LRATD1: variants seen among roughly 807,000 people sequenced by gnomAD.
The protein encoded by LRATD1 is protein LRATD1.
In LRATD1, 8 loss-of-function variants were observed where a neutral mutation model predicts 21.3. The observed-to-expected ratio is 0.38, with a 90% CI of 0.22 to 0.68. The LOEUF (loss-of-function observed/expected upper bound fraction) is 0.68. LRATD1 is among the 30% of genes least tolerant of loss of function. The probability of loss-of-function intolerance (pLI) is 0.54; values close to 1 mark genes in which losing one functional copy is unlikely to be tolerated. For missense variants in LRATD1, 380 were observed against 404.0 expected (o/e 0.94, Z 0.51); for synonymous variants, 210 against 186.2 (o/e 1.13, Z -1.04).
In LRATD1 at chr2:14,639,291, G is replaced by A. The variant is rs953041363; in HGVS notation, c.*4433G>A. 4 of 166,860 alleles carry A rather than the reference G, an allele frequency of 2.4e-5. No homozygotes were observed. The highest frequency in any genetic ancestry group is 9.7e-5 in the African/African-American group (4 of 41,400). The allele number at this position is 166,860 out of a possible 1,614,324, so 10.3% of individuals were successfully genotyped here. On this transcript the variant is annotated 3_prime_UTR_variant, in exon 2 of 2. Coordinates refer to ENST00000295092, the MANE Select transcript of LRATD1 (RefSeq NM_145175.4). Reference sequence around the variant, plus strand: ...CAATTAGTTTTATTCTCATTTTTTGGAAGAATATGTTCCTGGTTTCTCTAA... The same window carrying A: ...CAATTAGTTTTATTCTCATTTTTTGAAAGAATATGTTCCTGGTTTCTCTAA...
Position 14,639,421 on chromosome 2 carries a change from A to C in LRATD1, c.*4563A>C, listed in dbSNP as rs1160854984. Reference sequence around the variant, plus strand: ...CTATGAGATCATATAATGAGCTAATAAACTTTTCAACAGGGGACACCTGTT... The same window carrying C: ...CTATGAGATCATATAATGAGCTAATCAACTTTTCAACAGGGGACACCTGTT... On this transcript the variant is annotated 3_prime_UTR_variant, in exon 2 of 2. Transcript: ENST00000295092. 1 of 166,926 alleles carries C rather than the reference A, an allele frequency of 6.0e-6. No individual in the cohort carries two copies. Among genetic ancestry groups the C allele is most frequent in the African/African-American group, 2.4e-5 (1 of 41,466 alleles). 10.3% of individuals were successfully genotyped at this position (166,926 alleles called of 1,614,324 possible). A position where few individuals can be genotyped will look rare whatever the true frequency, so the allele number is the denominator to read the frequency against.
chr2:14,649,400 C>T (rs900413163), exon 5 of LRATD1: 5 of 456,070 alleles, frequency 1.1e-5, no homozygotes, highest in South Asian at 3.1e-5. Context: ...TGGACCCCCT[C>T]GACCTGGGTG....
At chr2:14,642,360 T>C (rs1402276834), downstream of LRATD1, among the ~76,000 whole-genome samples, 2 of 152,194 alleles carry the variant, frequency 1.3e-5, no homozygotes, top group African/African-American at 2.4e-5. Context: ...TTCATTACTA[T>C]GGAAATATAG....
At chr2:14,647,526 C>T (rs1671915345) in intron 4 of LRATD1, among the ~76,000 whole-genome samples, 1 of 152,038 alleles carries the variant, frequency 6.6e-6, no homozygotes, top group African/African-American at 2.4e-5. Context: ...TCCTAACCCC[C>T]AAAGTGATGA....
intron 4 of LRATD1, among the ~76,000 whole-genome samples, chr2:14,648,786 C>T (rs1305301563): frequency 6.6e-6 from 1 of 152,212 alleles, no homozygotes; most frequent in East Asian, 1.9e-4. Flanking sequence ...TTCCAACTAG[C>T]TTCTCCTGGT....
intron 4 of LRATD1, among the ~76,000 whole-genome samples, chr2:14,648,932 T>A (rs1334697040): frequency 6.6e-6 from 1 of 152,190 alleles, no homozygotes; most frequent in Non-Finnish European, 1.5e-5. Context: ...TTCTCCCCTG[T>A]CACTGGGTAA....
downstream of LRATD1, among the ~76,000 whole-genome samples, chr2:14,644,238 A>T (rs1002262429): frequency 5.3e-5 from 8 of 152,244 alleles, no homozygotes; most frequent in Non-Finnish European, 1.0e-4. Flanking sequence ...ATAATTTTTT[A>T]AAAAATACCA....
chr2:14,642,544 A>G (rs2103412111), downstream of LRATD1, among the ~76,000 whole-genome samples: 1 of 152,162 alleles, frequency 6.6e-6, no homozygotes, highest in East Asian at 1.9e-4. Flanking sequence ...CAGTCAGCGG[A>G]GAAAGAGTCT....
At chr2:14,651,775 T>G (rs1388376189), downstream of LRATD1, among the ~76,000 whole-genome samples, 3 of 152,030 alleles carry the variant, frequency 2.0e-5, no homozygotes, top group Admixed American at 1.3e-4. Flanking sequence ...AATAATGTAT[T>G]TTATATTTTT....
chr2:14,646,328 C>G (rs1671894362), intron 3 of LRATD1: 1 of 152,170 alleles, frequency 6.6e-6, no homozygotes, highest in African/African-American at 2.4e-5. Flanking sequence ...ATGAAAGTCT[C>G]AAGTACATGT....
Position 14,635,565 on chromosome 2 carries a change from C to G in LRATD1, c.*707C>G. On this transcript the variant is annotated 3_prime_UTR_variant, in exon 2 of 2. Coordinates refer to ENST00000295092, the MANE Select transcript of LRATD1 (RefSeq NM_145175.4). The stretch of plus-strand genomic sequence containing the variant: ...CGTGGGAAGCGAACGCCACCCCCAC[C>G]CGCCTTTGCCTGCGAGTCTCCCTCG... 2.1e-6 allele frequency: 1 copy of G among 471,152 alleles called. No individual in the cohort carries two copies. The highest frequency in any genetic ancestry group is 4.4e-6 in the Non-Finnish European group (1 of 227,062). The allele number at this position is 471,152 out of a possible 1,614,324, so 29.2% of individuals were successfully genotyped here. A position where few individuals can be genotyped will look rare whatever the true frequency, so the allele number is the denominator to read the frequency against.
At position 14,636,885 on chromosome 2, in the gene LRATD1, C is replaced by CA. The variant is rs2103408707; in HGVS notation, c.*2027_*2028insA. ...TCTTTTTTTTTCTTTGGTTTTCATC[C>CA]TGGATTCATCCCCTGATCTTAAATC... On this transcript the variant is annotated 3_prime_UTR_variant, in exon 2 of 2. Coordinates refer to ENST00000295092, the MANE Select transcript of LRATD1 (RefSeq NM_145175.4). 1 of 166,918 alleles carries CA rather than the reference C, an allele frequency of 6.0e-6. No individual in the cohort carries two copies. Among genetic ancestry groups the CA allele is most frequent in the East Asian group, 1.9e-4 (1 of 5,176 alleles). The allele number at this position is 166,918 out of a possible 1,614,324, so 10.3% of individuals were successfully genotyped here.
chr2:14,643,994 C>CA (rs1250318905), downstream of LRATD1, among the ~76,000 whole-genome samples: 2 of 152,092 alleles, frequency 1.3e-5, no homozygotes, highest in African/African-American at 4.8e-5. Flanking sequence ...TAATTTAATT[C>CA]AAAAACAACT....
rs998639813 is a variant in LRATD1, at chr2:14,633,915, G to T, written c.-36-29G>T. 1.2e-5 allele frequency: 18 copies of T among 1,544,320 alleles called. No individual in the cohort carries two copies. Among genetic ancestry groups the T allele is most frequent in the East Asian group, 2.3e-5 (1 of 43,376 alleles). On this transcript the variant is annotated intron_variant, in intron 1 of 1. Coordinates refer to ENST00000295092, the MANE Select transcript of LRATD1 (RefSeq NM_145175.4). The surrounding 1 kb of genome is among the most constrained non-coding windows in gnomAD (Gnocchi z 7.5). ...CGAAAGGGGCAGCCCGGACTCTGAC[G>T]GTGTCTCTGCCTCTCTGTGCCTCCG... is the stretch of plus-strand genomic sequence containing the variant.
rs752962434 is a variant in LRATD1, at chr2:14,634,808, C to G, written c.829C>G (p.Arg277Gly). ...REKRRIDASG[R>G]LRVLQELADL... ...GAAGCGCCGTATCGACGCCAGCGGC[C>G]GCCTGCGAGTGCTCCAGGAGCTCGC... The change falls in exon 2 of 2, where the codon CGC becomes GGC. Residue 277 changes from arginine (R) to glycine (G), a missense_variant. Transcript: ENST00000295092. The G allele has an allele frequency of 1.2e-6, 2 of 1,607,588 alleles. No homozygotes were observed. The highest frequency in any genetic ancestry group is 8.5e-7 in the Non-Finnish European group (1 of 1,176,170).
chr2:14,644,120 G>A (rs921106735), downstream of LRATD1, among the ~76,000 whole-genome samples: 7 of 151,394 alleles, frequency 4.6e-5, no homozygotes, highest in Non-Finnish European at 1.0e-4. Flanking sequence ...TTAATTTCAC[G>A]TGGATACAAA....
Position 14,635,852 on chromosome 2 carries a change from C to A in LRATD1, c.*994C>A, listed in dbSNP as rs1305772185. 2.8e-6 allele frequency: 1 copy of A among 358,178 alleles called. No homozygotes were observed. Among genetic ancestry groups the A allele is most frequent in the Admixed American group, 3.8e-5 (1 of 26,326 alleles). 22.2% of individuals were successfully genotyped at this position (358,178 alleles called of 1,614,324 possible). ...ATTCCAGAAACCAGCATTGTTACAA[C>A]ACCATAGCCAGTATATTTAGTTTGG... On this transcript the variant is annotated 3_prime_UTR_variant, in exon 2 of 2. Transcript: ENST00000295092.
At position 14,635,430 on chromosome 2, in the gene LRATD1, T is replaced by G. The variant is rs747669754; in HGVS notation, c.*572T>G. 1 of 471,342 alleles carries G rather than the reference T, an allele frequency of 2.1e-6. No homozygotes were observed. The highest frequency in any genetic ancestry group is 4.4e-6 in the Non-Finnish European group (1 of 227,146). 29.2% of individuals were successfully genotyped at this position (471,342 alleles called of 1,614,324 possible). A position where few individuals can be genotyped will look rare whatever the true frequency, so the allele number is the denominator to read the frequency against. On this transcript the variant is annotated 3_prime_UTR_variant, in exon 2 of 2. Coordinates refer to ENST00000295092, the MANE Select transcript of LRATD1 (RefSeq NM_145175.4). ...CAAGACAGCACTTCGGGATTCCGGG[T>G]TATCCTGAGGCTGCCCGGGACTTTT...
At chr2:14,651,516 T>C (rs1222898095), downstream of LRATD1, among the ~76,000 whole-genome samples, 8 of 152,170 alleles carry the variant, frequency 5.3e-5, no homozygotes, top group Non-Finnish European at 2.9e-5. Flanking sequence ...GCTGTGCATA[T>C]GAGTCTCTGT....
Sources: allele counts gnomAD v4.1 joint callset (sites outside exome capture counted in the v4.1 genomes callset), GRCh38; gene constraint gnomAD v4.1.1; non-coding constraint Gnocchi (gnomAD v3.1); transcripts MANE v1.5; gene names NCBI Gene and HGNC (gene_info 2026-07-23, HGNC 2026-07-21).